GLIS3: variants seen among roughly 807,000 people sequenced by gnomAD.
GLIS3 encodes the protein zinc finger protein GLIS3.
In GLIS3, 53 loss-of-function variants were observed where a neutral mutation model predicts 78.6. The observed-to-expected ratio is 0.67, with a 90% CI of 0.54 to 0.85. The LOEUF is 0.85. Among genes scored for constraint, GLIS3 ranks in the 40% least tolerant of loss-of-function variants. The pLI is 0.00. For missense variants in GLIS3, 1,703 were observed against 1,231.1 expected (o/e 1.38, Z -5.74); for synonymous variants, 684 against 509.9 (o/e 1.34, Z -4.60).
intron 6 of GLIS3, among the ~76,000 whole-genome samples, chr9:3,908,706 GTTTTTTTTTTTTT>G (rs34789708): frequency 1.2e-5 from 1 of 85,554 alleles, no homozygotes; most frequent in South Asian, 4.2e-4. Flanking sequence ...ATTTGTATTT[GTTTTTTTTTTTTT>G]TTTTTTTTTG....
intron 4 of GLIS3, among the ~76,000 whole-genome samples, chr9:3,970,775 A>G (rs1319552085): frequency 6.6e-6 from 1 of 152,324 alleles, no homozygotes; most frequent in East Asian, 1.9e-4. Flanking sequence ...CAATTTACCA[A>G]GTAAATATCC....
At chr9:4,247,073 G>A (rs1372883544) in intron 2 of GLIS3, among the ~76,000 whole-genome samples, 4 of 152,154 alleles carry the variant, frequency 2.6e-5, no homozygotes, top group Admixed American at 6.5e-5. Flanking sequence ...TCCATGGATG[G>A]CTTTTGTCAG....
chr9:4,147,766 T>G (rs1834341944), intron 2 of GLIS3: 3 of 150,302 alleles, frequency 2.0e-5, no homozygotes, highest in African/African-American at 7.4e-5. Context: ...GTGGGTGAAC[T>G]CACCCACCCA....
At chr9:4,306,645 C>T (rs1571584) in intron 4 of GLIS3, among the ~76,000 whole-genome samples, 1,535 of 152,306 alleles carry the variant, frequency 0.01, 22 homozygotes, top group African/African-American at 0.035. Flanking sequence ...GAATGGCATT[C>T]AGAAATAGAG....
the GLIS3 span, among the ~76,000 whole-genome samples, chr9:4,477,783 G>C: frequency 6.6e-6 from 1 of 152,148 alleles, no homozygotes; most frequent in Non-Finnish European, 1.5e-5. Flanking sequence ...ATGGATAGTG[G>C]TGACGGCTGC....
At chr9:4,461,296 T>C in the GLIS3 span, among the ~76,000 whole-genome samples, 1 of 152,210 alleles carries the variant, frequency 6.6e-6, no homozygotes, top group South Asian at 2.1e-4. Context: ...ATGCCCATGA[T>C]GGTTTTCTTT....
chr9:4,431,546 T>C, the GLIS3 span, among the ~76,000 whole-genome samples: 1 of 152,124 alleles, frequency 6.6e-6, no homozygotes, highest in Non-Finnish European at 1.5e-5. Flanking sequence ...AAATGTTTTC[T>C]GTAAAAGGCC....
At chr9:3,844,938 G>C (rs1180243474) in intron 9 of GLIS3, among the ~76,000 whole-genome samples, 2 of 152,134 alleles carry the variant, frequency 1.3e-5, no homozygotes, top group Admixed American at 6.6e-5. Flanking sequence ...CTGCTGATGA[G>C]AGTCTAAATT....
At chr9:3,874,735 C>G (rs1186791696) in intron 8 of GLIS3, among the ~76,000 whole-genome samples, 1 of 152,224 alleles carries the variant, frequency 6.6e-6, no homozygotes, top group Non-Finnish European at 1.5e-5. Context: ...GGGGAAAACC[C>G]CCACACAGTT....
chr9:4,266,491 G>A (rs971636846), intron 2 of GLIS3, among the ~76,000 whole-genome samples: 5 of 151,912 alleles, frequency 3.3e-5, no homozygotes, highest in African/African-American at 9.7e-5. Flanking sequence ...CTATAATTAG[G>A]AACAAACCAT....
chr9:4,466,849 A>G, the GLIS3 span, among the ~76,000 whole-genome samples: 2 of 152,346 alleles, frequency 1.3e-5, no homozygotes, highest in East Asian at 3.9e-4. Context: ...TCATCCAGGA[A>G]GTGCAAGGGG....
At chr9:3,858,419 C>T (rs911273375) in intron 8 of GLIS3, among the ~76,000 whole-genome samples, 1 of 152,070 alleles carries the variant, frequency 6.6e-6, no homozygotes, top group Non-Finnish European at 1.5e-5. Flanking sequence ...ATAATAATAT[C>T]ATTGAATAAA....
At position 4,088,885 on chromosome 9, in the gene GLIS3, C is replaced by G. The variant is rs572740864; in HGVS notation, c.1710+28883G>C. Among the ~76,000 whole-genome samples, 5 of 152,348 alleles carry G rather than the reference C, an allele frequency of 3.3e-5. No individual in the cohort carries two copies. In the South Asian group the frequency reaches 1.0e-3, roughly 32 times the overall value. Reference sequence around the variant, plus strand: ...AGCCAAAATCCTACATGGCAGGATGCCAGTCCAAAGGGCTTCACCCCAAAA... The same window carrying G: ...AGCCAAAATCCTACATGGCAGGATGGCAGTCCAAAGGGCTTCACCCCAAAA... On this transcript the variant is annotated intron_variant, in intron 4 of 10. Transcript: ENST00000381971.
intron 6 of GLIS3, among the ~76,000 whole-genome samples, chr9:3,912,566 G>C (rs1294538487): frequency 6.6e-6 from 1 of 152,092 alleles, no homozygotes; most frequent in Non-Finnish European, 1.5e-5. Context: ...AATCAGAAAG[G>C]CATGCAACTT....
In GLIS3 at chr9:4,161,784, A is replaced by T. The variant is rs140265862; in HGVS notation, c.389-35843T>A. 4.0e-5 allele frequency among the ~76,000 whole-genome samples: 6 copies of T among 150,350 alleles called. No homozygotes were observed. The East Asian group carries it at 1.2e-3, about 30-fold the overall frequency. ...GCCTCTGCCTCCCAGGTTCCAAGCA[A>T]TCCTCCCCACTCAGCCTCTCAAGTA... is the stretch of plus-strand genomic sequence containing the variant. On this transcript the variant is annotated intron_variant, in intron 2 of 10. Coordinates refer to ENST00000381971, the MANE Select transcript of GLIS3 (RefSeq NM_001042413.2).
chr9:4,184,269 A>G (rs913105563), intron 2 of GLIS3, among the ~76,000 whole-genome samples: 2 of 152,230 alleles, frequency 1.3e-5, no homozygotes, highest in African/African-American at 2.4e-5. Flanking sequence ...TTCAATAGGG[A>G]GCCCTTGTGT....
the GLIS3 span, among the ~76,000 whole-genome samples, chr9:4,444,692 G>A: frequency 2.0e-5 from 3 of 152,198 alleles, no homozygotes; most frequent in Non-Finnish European, 4.4e-5. Flanking sequence ...CATATGAAGA[G>A]CCAAAGCCCC....
intron 4 of GLIS3, among the ~76,000 whole-genome samples, chr9:3,956,964 A>G (rs1817159576): frequency 6.6e-6 from 1 of 152,204 alleles, no homozygotes; most frequent in Non-Finnish European, 1.5e-5. Flanking sequence ...TCCCTGGCAA[A>G]TCGTCTAAGA....
At chr9:3,963,986 T>G (rs1817749933) in intron 4 of GLIS3, among the ~76,000 whole-genome samples, 1 of 152,196 alleles carries the variant, frequency 6.6e-6, no homozygotes, top group Non-Finnish European at 1.5e-5. Context: ...CACGCACTGC[T>G]TCATGCTGCC....
Sources: gnomAD v4.1 joint callset for allele counts (sites outside exome capture counted in the v4.1 genomes callset) on GRCh38, gnomAD v4.1.1 for gene constraint, MANE v1.5 for transcripts, NCBI Gene and HGNC (gene_info 2026-07-23, HGNC 2026-07-21) for gene names.